Variants in CTNNA3 observed in about 807,000 individuals in gnomAD.
The protein encoded by CTNNA3 is catenin alpha-3.
A neutral mutation model predicts 95.7 loss-of-function variants in CTNNA3; 76 were observed. The ratio of observed to expected loss-of-function variants is 0.79; its 90% CI spans 0.66 to 0.96. CTNNA3 has a LOEUF of 0.96. Among genes scored for constraint, CTNNA3 ranks in the 40% least tolerant of loss-of-function variants. CTNNA3 has a pLI of 0.00. For missense variants in CTNNA3, 1,191 were observed against 1,089.8 expected (o/e 1.09, Z -1.31); for synonymous variants, 431 against 374.4 (o/e 1.15, Z -1.74).
intron 9 of CTNNA3, among the ~76,000 whole-genome samples, chr10:66,682,914 G>A (rs898355826): frequency 1.7e-4 from 26 of 152,074 alleles, no homozygotes; most frequent in African/African-American, 6.3e-4. Context: ...CTGGAAAATG[G>A]AGGTCATGAA....
chr10:66,336,954 GAGGCTGCATGAAGTGCAGTATAAC>G (rs1168688830), intron 12 of CTNNA3, among the ~76,000 whole-genome samples: 3 of 151,988 alleles, frequency 2.0e-5, no homozygotes, highest in Admixed American at 2.0e-4. Context: ...TTTTTTTCCA[GAGGCTGCATGAAGTGCAGTATAAC>G]AGATTGACTG....
intron 10 of CTNNA3, among the ~76,000 whole-genome samples, chr10:66,537,958 A>T (rs1425482977): frequency 6.6e-6 from 1 of 152,180 alleles, no homozygotes; most frequent in Non-Finnish European, 1.5e-5. Context: ...CTCAGAGCAT[A>T]TCACAAAGTT....
chr10:66,982,110 T>C (rs1300590203), intron 7 of CTNNA3, among the ~76,000 whole-genome samples: 1 of 152,178 alleles, frequency 6.6e-6, no homozygotes, highest in African/African-American at 2.4e-5. Flanking sequence ...AGCCATCCAA[T>C]ATGCTAGCAT....
chr10:67,562,839 C>T (rs532303364), intron 3 of CTNNA3, among the ~76,000 whole-genome samples: 48 of 152,130 alleles, frequency 3.2e-4, no homozygotes, highest in Non-Finnish European at 4.1e-4. Context: ...TTCTTATACA[C>T]CAATAACAGA....
intron 15 of CTNNA3, among the ~76,000 whole-genome samples, chr10:66,014,349 T>A (rs2079055976): frequency 6.9e-6 from 1 of 145,812 alleles, no homozygotes; most frequent in Non-Finnish European, 1.5e-5. Context: ...TGGGTGCCAT[T>A]TGCAGCTCAG....
chr10:67,531,606 G>C (rs908031460), intron 4 of CTNNA3, among the ~76,000 whole-genome samples: 5 of 152,208 alleles, frequency 3.3e-5, no homozygotes, highest in African/African-American at 9.7e-5. Flanking sequence ...AGGCAGAAGA[G>C]ACTTGCCTTG....
At chr10:66,713,475 A>T (rs1446976600) in intron 9 of CTNNA3, among the ~76,000 whole-genome samples, 1 of 147,504 alleles carries the variant, frequency 6.8e-6, no homozygotes, top group African/African-American at 2.6e-5. Flanking sequence ...AGCAATAAAG[A>T]TCTTAATTAA....
intron 1 of CTNNA3, among the ~76,000 whole-genome samples, chr10:67,667,281 G>A (rs1384835046): frequency 2.6e-5 from 4 of 151,986 alleles, no homozygotes; most frequent in South Asian, 2.1e-4. Flanking sequence ...CACTCACTTA[G>A]TGTGGAAAGA....
chr10:65,967,804 C>T (rs2078006994), intron 16 of CTNNA3, among the ~76,000 whole-genome samples: 1 of 151,984 alleles, frequency 6.6e-6, no homozygotes, highest in Admixed American at 6.6e-5. Flanking sequence ...ATAAAAATTC[C>T]TTCTAATTTA....
chr10:66,325,471 C>T (rs2092243034), intron 12 of CTNNA3, among the ~76,000 whole-genome samples: 1 of 152,042 alleles, frequency 6.6e-6, no homozygotes, highest in South Asian at 2.1e-4. Flanking sequence ...TCTTGAACTC[C>T]TAGGCTCAAG....
chr10:66,383,531 T>C (rs947086319), intron 11 of CTNNA3, among the ~76,000 whole-genome samples: 1 of 152,154 alleles, frequency 6.6e-6, no homozygotes, highest in Non-Finnish European at 1.5e-5. Flanking sequence ...TGCAGGATAT[T>C]ATTCAGGAGA....
chr10:67,223,599 A>G (rs1864755162), intron 5 of CTNNA3, among the ~76,000 whole-genome samples: 1 of 152,238 alleles, frequency 6.6e-6, no homozygotes, highest in Non-Finnish European at 1.5e-5. Context: ...AAGTCTGTGC[A>G]AGTGGGTAGA....
intron 12 of CTNNA3, among the ~76,000 whole-genome samples, chr10:66,283,862 T>C (rs560781416): frequency 1.3e-5 from 2 of 151,950 alleles, no homozygotes; most frequent in African/African-American, 4.8e-5. Flanking sequence ...AAAATGAGTA[T>C]AAATAAGTAA....
At position 67,367,817 on chromosome 10, in the gene CTNNA3, T is replaced by C. The variant is rs78889589; in HGVS notation, c.580-147947A>G. Among the ~76,000 whole-genome samples the C allele has an allele frequency of 9.2e-3, 1,403 of 152,312 alleles. 62 individuals carry two copies. In the East Asian group the frequency reaches 0.15, roughly 16 times the overall value. ...TGCAGAAACAGAAAACCACATACTG[T>C]ATGTTCTTGCTTATAAGTGGGAGCT... On this transcript the variant is annotated intron_variant, in intron 5 of 17. Coordinates refer to ENST00000433211, the MANE Select transcript of CTNNA3 (RefSeq NM_013266.4).
intron 9 of CTNNA3, among the ~76,000 whole-genome samples, chr10:66,625,831 T>G (rs190197857): frequency 6.6e-6 from 1 of 152,268 alleles, no homozygotes; most frequent in East Asian, 1.9e-4. Flanking sequence ...TTCCCTGTTG[T>G]GGAGCCTGGC....
intron 7 of CTNNA3, among the ~76,000 whole-genome samples, chr10:67,119,733 A>G (rs1002523928): frequency 6.6e-6 from 1 of 151,938 alleles, no homozygotes; most frequent in Non-Finnish European, 1.5e-5. Context: ...AAATGCAAAG[A>G]GTCTATCAAT....
At chr10:66,651,526 G>C (rs866396915) in intron 9 of CTNNA3, among the ~76,000 whole-genome samples, 1 of 152,090 alleles carries the variant, frequency 6.6e-6, no homozygotes, top group Non-Finnish European at 1.5e-5. Context: ...AGCGCCCATC[G>C]GGGAGGCTCG....
At chr10:67,210,104 G>A (rs1010886446) in intron 6 of CTNNA3, among the ~76,000 whole-genome samples, 1 of 151,674 alleles carries the variant, frequency 6.6e-6, no homozygotes, top group African/African-American at 2.4e-5. Context: ...TCGGGAGATC[G>A]ACACCATCCT....
chr10:67,267,983 G>A (rs1289974654), intron 5 of CTNNA3, among the ~76,000 whole-genome samples: 1 of 151,512 alleles, frequency 6.6e-6, no homozygotes, highest in African/African-American at 2.4e-5. Flanking sequence ...AGTGAAGAGG[G>A]GTTAAGCACA....
Sources: gnomAD v4.1 joint callset for allele counts (sites outside exome capture counted in the v4.1 genomes callset) on GRCh38, gnomAD v4.1.1 for gene constraint, MANE v1.5 for transcripts, NCBI Gene and HGNC (gene_info 2026-07-23, HGNC 2026-07-21) for gene names.